EIPR1: variants seen among roughly 807,000 people sequenced by gnomAD.
EIPR1 encodes EARP and GARP complex-interacting protein 1.
EIPR1 carries 25 observed loss-of-function variants against 48.1 expected under a neutral mutation model. That is an observed-to-expected ratio of 0.52 (90% CI 0.38 to 0.73). The LOEUF (loss-of-function observed/expected upper bound fraction) is 0.73. EIPR1 is among the 30% of genes least tolerant of loss of function. EIPR1 has a pLI of 0.00. For synonymous variants in EIPR1, 204 were observed against 201.9 expected (o/e 1.01, Z -0.09); for missense variants, 415 against 506.2 (o/e 0.82, Z 1.73).
intron 4 of EIPR1, among the ~76,000 whole-genome samples, chr2:3,245,221 T>C (rs1296731574): frequency 2.0e-5 from 3 of 152,128 alleles, no homozygotes; most frequent in South Asian, 4.1e-4. Flanking sequence ...TTGCATTGTA[T>C]TGTATTTTTG....
chr2:3,239,809 T>A (rs1260118983), intron 4 of EIPR1, among the ~76,000 whole-genome samples: 1 of 152,260 alleles, frequency 6.6e-6, no homozygotes, highest in African/African-American at 2.4e-5. Context: ...TCCTAACTCT[T>A]ATTTTCTTTC....
At chr2:3,353,347 C>T (rs1460675005) in intron 2 of EIPR1, 1 of 469,188 alleles carries the variant, frequency 2.1e-6, no homozygotes, top group East Asian at 6.9e-5. Context: ...CAATTGTGCA[C>T]TTTGCTTTTT....
chr2:3,246,898 A>AGGG (rs1666829136), intron 4 of EIPR1, among the ~76,000 whole-genome samples: 1 of 73,402 alleles, frequency 1.4e-5, no homozygotes, highest in African/African-American at 5.5e-5. Flanking sequence ...GGAGGGAGGG[A>AGGG]AGGAGGGAGA....
At chr2:3,192,807 G>A (rs1050603435) in intron 7 of EIPR1, among the ~76,000 whole-genome samples, 3 of 151,640 alleles carry the variant, frequency 2.0e-5, no homozygotes, top group African/African-American at 7.3e-5. Flanking sequence ...ACTAAATGTT[G>A]GCTGAAACCT....
intron 3 of EIPR1, among the ~76,000 whole-genome samples, chr2:3,321,015 C>T (rs192413658): frequency 1.4e-4 from 22 of 152,284 alleles, no homozygotes; most frequent in Admixed American, 3.3e-4. Context: ...AAATTAAAGA[C>T]GGGCTGGCAC....
chr2:3,373,756 A>T (rs942066367), intron 1 of EIPR1, among the ~76,000 whole-genome samples: 3 of 152,000 alleles, frequency 2.0e-5, no homozygotes, highest in African/African-American at 7.2e-5. Context: ...AGAACATTCC[A>T]TGCTCATGGG....
intron 3 of EIPR1, among the ~76,000 whole-genome samples, chr2:3,311,413 T>A (rs1161274285): frequency 6.6e-6 from 1 of 152,182 alleles, no homozygotes; most frequent in Non-Finnish European, 1.5e-5. Flanking sequence ...ATGATTTTTA[T>A]GGGGGTGAGG....
chr2:3,239,171 G>T (rs959741750), intron 4 of EIPR1, among the ~76,000 whole-genome samples: 1 of 152,252 alleles, frequency 6.6e-6, no homozygotes, highest in African/African-American at 2.4e-5. Flanking sequence ...CAGGGACAAG[G>T]AGGCGCCAAG....
chr2:3,229,308 G>A (rs1264039927), intron 4 of EIPR1, among the ~76,000 whole-genome samples: 3 of 152,214 alleles, frequency 2.0e-5, no homozygotes, highest in South Asian at 4.1e-4. Flanking sequence ...TCGTGTGCCT[G>A]CTGCTTTAGC....
intron 4 of EIPR1, among the ~76,000 whole-genome samples, chr2:3,244,044 C>G (rs370026143): frequency 2.0e-5 from 3 of 152,236 alleles, no homozygotes; most frequent in African/African-American, 7.2e-5. Context: ...AAGGCTGTGA[C>G]AACCCAGGCC....
In EIPR1 at chr2:3,377,677, C is replaced by T. The variant is rs774585435; in HGVS notation, c.13G>A (p.Ala5Thr). MEDD[A>T]PVIYGLEFQA... Reference sequence around the variant, plus strand: ...AACTCCAGCCCGTAGATCACTGGTGCATCGTCCTCCATGCTGCGGGGAAGC... The same window carrying T: ...AACTCCAGCCCGTAGATCACTGGTGTATCGTCCTCCATGCTGCGGGGAAGC... Residue 5 changes from alanine to threonine, a missense_variant, in exon 1 of 9, where the codon GCA becomes ACA. Physicochemically the swap from Ala to Thr is moderately conservative, Grantham distance 58. Coordinates refer to ENST00000382125, the MANE Select transcript of EIPR1 (RefSeq NM_003310.5). The T allele has an allele frequency of 1.2e-4, 183 of 1,581,366 alleles. No individual in the cohort carries two copies. Among genetic ancestry groups the T allele is most frequent in the Non-Finnish European group, 1.5e-4 (179 of 1,163,374 alleles).
Position 3,214,134 on chromosome 2 carries a change from G to T in EIPR1, c.516+15C>A, listed in dbSNP as rs774919798. The stretch of plus-strand genomic sequence containing the variant: ...AAAATACAGAAACAAACGCTGTGTT[G>T]TTGCTTTTACTTACCACAGCCTGGC... On this transcript the variant is annotated intron_variant, in intron 5 of 8. Coordinates refer to ENST00000382125, the MANE Select transcript of EIPR1 (RefSeq NM_003310.5). The T allele has an allele frequency of 1.9e-6, 3 of 1,608,384 alleles. No individual in the cohort carries two copies. Among genetic ancestry groups the T allele is most frequent in the Non-Finnish European group, 1.7e-6 (2 of 1,175,796 alleles).
intron 4 of EIPR1, among the ~76,000 whole-genome samples, chr2:3,219,843 G>C (rs1032381151): frequency 6.6e-6 from 1 of 152,160 alleles, no homozygotes; most frequent in South Asian, 2.1e-4. Flanking sequence ...CCATGCACAT[G>C]ATGGCCCCAG....
chr2:3,193,926 C>A, intron 7 of EIPR1, 73 bp downstream of exon 7: 1 of 1,545,754 alleles, frequency 6.5e-7, no homozygotes, highest in Non-Finnish European at 8.8e-7. Context: ...TTGTGTCTTT[C>A]CCAATGGTAA....
At chr2:3,194,202 A>G in intron 6 of EIPR1, 36 bp from the exon 7 acceptor site, 1 of 1,609,178 alleles carries the variant, frequency 6.2e-7, no homozygotes, top group South Asian at 1.1e-5. Context: ...GGAAAATAGT[A>G]AATGGATTAG....
At chr2:3,323,045 C>T (rs1465628798) in intron 3 of EIPR1, among the ~76,000 whole-genome samples, 1 of 152,070 alleles carries the variant, frequency 6.6e-6, no homozygotes, top group Non-Finnish European at 1.5e-5. Flanking sequence ...CTGGCTCTTT[C>T]CGGAGATTCA....
At chr2:3,319,026 C>T (rs12618407) in intron 3 of EIPR1, 1 of 457,342 alleles carries the variant, frequency 2.2e-6, no homozygotes, top group Admixed American at 2.4e-5. Flanking sequence ...GGGTCCATAA[C>T]ATCTAATTTT....
intron 2 of EIPR1, among the ~76,000 whole-genome samples, chr2:3,345,345 C>T (rs1222130990): frequency 3.3e-5 from 5 of 152,146 alleles, no homozygotes; most frequent in African/African-American, 1.2e-4. Context: ...CAGTGGCTCA[C>T]ACCTATAACC....
intron 2 of EIPR1, among the ~76,000 whole-genome samples, chr2:3,348,614 C>T (rs1392301111): frequency 6.6e-6 from 1 of 152,232 alleles, no homozygotes; most frequent in Non-Finnish European, 1.5e-5. Flanking sequence ...AGGAAACAGA[C>T]ACAAATCAGT....
Sources: gnomAD v4.1 joint callset for allele counts (sites outside exome capture counted in the v4.1 genomes callset) on GRCh38, gnomAD v4.1.1 for gene constraint, MANE v1.5 for transcripts, NCBI Gene and HGNC (gene_info 2026-07-23, HGNC 2026-07-21) for gene names.